Variants in SYT14 observed in about 807,000 individuals in gnomAD.
SYT14 encodes synaptotagmin 14.
A neutral mutation model predicts 74.2 loss-of-function variants in SYT14; 32 were observed. The observed-to-expected ratio is 0.43, with a 90% confidence interval of 0.33 to 0.58. SYT14 has a LOEUF of 0.58. Ranked by LOEUF, SYT14 falls within the 20% of genes least tolerant of loss-of-function variation. The probability of loss-of-function intolerance (pLI) is 0.05; values close to 1 mark genes in which losing one functional copy is unlikely to be tolerated. For synonymous variants in SYT14, 298 were observed against 337.7 expected, an observed-to-expected ratio of 0.88 and a Z score of 1.29; for missense variants, 791 against 981.8, an observed-to-expected ratio of 0.81 and a Z score of 2.60.
intron 4 of SYT14, among the ~76,000 whole-genome samples, chr1:210,019,559 A>G (rs755120215): frequency 1.9e-4 from 29 of 152,192 alleles, no homozygotes; most frequent in Admixed American, 9.8e-4. Flanking sequence ...AAGCACTGCC[A>G]CAATATATGA....
At chr1:209,946,047 T>A (rs1558084966) in intron 1 of SYT14, among the ~76,000 whole-genome samples, 1 of 152,230 alleles carries the variant, frequency 6.6e-6, no homozygotes, top group Non-Finnish European at 1.5e-5. Flanking sequence ...GATGCTACTA[T>A]TGTAATTGTT....
rs1197018651 is a variant in SYT14 at position 210,016,896 on chromosome 1, C to A, written c.893C>A (p.Ser298Tyr). The A allele has an allele frequency of 2.4e-6, 3 of 1,231,556 alleles. No homozygotes were observed. In the African/African-American group the frequency reaches 4.7e-5, roughly 19 times the overall value. The allele number at this position is 1,231,556 out of a possible 1,614,324, so 76.3% of individuals were successfully genotyped here. Residue 298 changes from serine to tyrosine, a missense_variant, in exon 4 of 10, where the codon TCT becomes TAT. Physicochemically the swap from Ser to Tyr is moderately radical, Grantham distance 144 (BLOSUM62 -2). Transcript: ENST00000637265. Reference sequence around the variant, plus strand: ...AGCAATAGGCATATGACACAGAAATCTATTATAAAAGAAGACATACATCCA... The same window carrying A: ...AGCAATAGGCATATGACACAGAAATATATTATAAAAGAAGACATACATCCA...
intron 2 of SYT14, among the ~76,000 whole-genome samples, chr1:209,965,020 CT>C (rs943423143): frequency 5.3e-5 from 8 of 152,120 alleles, no homozygotes; most frequent in Admixed American, 3.9e-4. Context: ...GCTATGTTCA[CT>C]TTTTTTCTGT....
intron 5 of SYT14, among the ~76,000 whole-genome samples, chr1:210,066,154 C>A (rs2081292034): frequency 1.3e-5 from 2 of 152,014 alleles, no homozygotes; most frequent in South Asian, 4.2e-4. Context: ...GGTTCCAAGT[C>A]TTTGCTATTG....
chr1:210,162,218 A>G (rs1251581299), exon 10 of SYT14: 4 of 429,656 alleles, frequency 9.3e-6, no homozygotes, highest in Middle Eastern at 7.5e-4. Flanking sequence ...AAGTTCTTCA[A>G]CGTGATGTCA....
In SYT14 at chr1:210,102,402, T is replaced by C. The variant is rs58918087; in HGVS notation, c.2034+1941T>C. ...CCCTGTATTTAATTGTTCTTTTTTGTCACTTTCCTTCTTTCTCCACCTTCT... is the reference window on the plus strand; with the variant it reads ...CCCTGTATTTAATTGTTCTTTTTTGCCACTTTCCTTCTTTCTCCACCTTCT... On this transcript the variant is annotated intron_variant, in intron 7 of 9. Coordinates refer to ENST00000637265, the Ensembl canonical transcript of SYT14. Among the ~76,000 whole-genome samples the C allele has an allele frequency of 1.8e-3, 271 of 152,310 alleles. 1 individual carries two copies. Among genetic ancestry groups the C allele is most frequent in the African/African-American group, 6.4e-3 (266 of 41,570 alleles).
chr1:210,083,324 AAATT>A (rs1282473593), intron 5 of SYT14, among the ~76,000 whole-genome samples: 2 of 152,186 alleles, frequency 1.3e-5, no homozygotes, highest in East Asian at 1.9e-4. Context: ...TCAGGAAAAT[AAATT>A]AATTAAAGAT....
chr1:210,118,241 A>G (rs1288819895), intron 7 of SYT14, among the ~76,000 whole-genome samples: 2 of 143,536 alleles, frequency 1.4e-5, no homozygotes, highest in South Asian at 4.3e-4. Context: ...AAATTGAGAA[A>G]GAGGGGATAA....
rs796555941 is a variant in SYT14, at chr1:209,973,169, C to CT, written c.-486+20423dup. On this transcript the variant is annotated intron_variant, in intron 2 of 9. Transcript: ENST00000637265. ...TGATATAAGAATAGCGACTCCAGCT[C>CT]TTTTTTTTTTCTGTTTGTGTGATAG... Among the ~76,000 whole-genome samples, 576 of 145,690 alleles carry CT rather than the reference C, an allele frequency of 4.0e-3. 7 individuals carry two copies. The highest frequency in any genetic ancestry group is 0.013 in the African/African-American group (521 of 39,790).
intron 2 of SYT14, among the ~76,000 whole-genome samples, chr1:210,009,586 C>A (rs2080049210): frequency 6.6e-6 from 1 of 151,574 alleles, no homozygotes; most frequent in Non-Finnish European, 1.5e-5. Context: ...ATTAATAAAG[C>A]CTGGCACCTG....
At chr1:209,995,975 A>C (rs953871610) in intron 2 of SYT14, among the ~76,000 whole-genome samples, 1 of 152,186 alleles carries the variant, frequency 6.6e-6, no homozygotes, top group Non-Finnish European at 1.5e-5. Context: ...ATGCAGCTAA[A>C]GTAGTTTTAA....
chr1:210,093,311 AACT>A (rs201157824), intron 5 of SYT14, among the ~76,000 whole-genome samples: 1 of 152,300 alleles, frequency 6.6e-6, no homozygotes, highest in East Asian at 1.9e-4. Context: ...TGATAGTACA[AACT>A]ACTGTTTCAG....
chr1:210,145,556 C>T (rs1297236884), intron 7 of SYT14, among the ~76,000 whole-genome samples: 2 of 152,184 alleles, frequency 1.3e-5, no homozygotes, highest in African/African-American at 4.8e-5. Context: ...CCTGAAGGGA[C>T]TCACAGTCTA....
At chr1:210,014,480 A>C (rs770261116) in intron 3 of SYT14, among the ~76,000 whole-genome samples, 62 of 151,618 alleles carry the variant, frequency 4.1e-4, no homozygotes, top group Non-Finnish European at 8.3e-4. Flanking sequence ...ACTGGTTTAT[A>C]AAAATGATAG....
chr1:210,085,174 T>A (rs954554952), intron 5 of SYT14, among the ~76,000 whole-genome samples: 34 of 152,256 alleles, frequency 2.2e-4, no homozygotes, highest in Non-Finnish European at 4.0e-4. Context: ...GTGAGATTTT[T>A]AAAATTTTTG....
At chr1:210,011,919 T>C (rs964575063) in intron 2 of SYT14, among the ~76,000 whole-genome samples, 6 of 152,118 alleles carry the variant, frequency 3.9e-5, no homozygotes, top group Non-Finnish European at 7.4e-5. Context: ...ATGACTGATA[T>C]AGGGGCAAAT....
At chr1:210,120,657 C>G (rs1407401089) in intron 7 of SYT14, among the ~76,000 whole-genome samples, 5 of 152,016 alleles carry the variant, frequency 3.3e-5, no homozygotes, top group Admixed American at 3.3e-4. Flanking sequence ...GACAAAATTG[C>G]CAAACAGTGC....
At chr1:210,169,630 G>C (rs1019225101) in exon 10 of SYT14, 1 of 152,016 alleles carries the variant, frequency 6.6e-6, no homozygotes, top group Non-Finnish European at 1.5e-5. Flanking sequence ...TAGTGGCAAC[G>C]ATTTTGAGGA....
At chr1:210,115,259 C>G (rs2082336012) in intron 7 of SYT14, among the ~76,000 whole-genome samples, 2 of 151,006 alleles carry the variant, frequency 1.3e-5, no homozygotes, top group African/African-American at 2.5e-5. Context: ...AGAACACAGG[C>G]TAAGGGAGAA....
Sources: gnomAD v4.1 joint callset for allele counts (sites outside exome capture counted in the v4.1 genomes callset) on GRCh38, gnomAD v4.1.1 for gene constraint, MANE v1.5 for transcripts, NCBI Gene and HGNC (gene_info 2026-07-23, HGNC 2026-07-21) for gene names.